The following GAB1 variants were observed in gnomAD, a reference collection of about 807,000 sequenced individuals.
The protein encoded by GAB1 is GRB2 associated binding protein 1.
Under a neutral mutation model 66.5 loss-of-function variants are expected in GAB1, and 19 were observed. The ratio of observed to expected loss-of-function variants is 0.29; its 90% CI spans 0.20 to 0.42. The LOEUF (loss-of-function observed/expected upper bound fraction) is 0.42, where lower values mean the gene tolerates loss of function less well. GAB1 is among the 10% of genes least tolerant of loss of function. The pLI is 1.00. For synonymous variants in GAB1, 294 were observed against 301.4 expected (o/e 0.98, Z 0.25); for missense variants, 732 against 858.5 (o/e 0.85, Z 1.84).
intron 1 of GAB1, among the ~76,000 whole-genome samples, chr4:143,371,055 T>A (rs908651621): frequency 2.6e-5 from 4 of 152,182 alleles, no homozygotes; most frequent in African/African-American, 9.7e-5. Context: ...TTCCTTTGGG[T>A]ATATACCCAG....
rs111531573 is a variant in GAB1, at chr4:143,400,961, T to G, written c.73-14516T>G. Among the ~76,000 whole-genome samples, 1,350 of 142,732 alleles carry G rather than the reference T, an allele frequency of 9.5e-3. 24 individuals are homozygous for G. The highest frequency in any genetic ancestry group is 0.033 in the African/African-American group (1,266 of 38,338). The allele number at this position is 142,732 out of a possible 152,430, so 93.6% of individuals were successfully genotyped here. On this transcript the variant is annotated intron_variant, in intron 1 of 9. Coordinates refer to ENST00000262994, the MANE Select transcript of GAB1 (RefSeq NM_002039.4). ...TCCAGCCTGGACAACAGAGCAAGAC[T>G]CCATCACAAAAAAAAAAAAAAAAGT...
At chr4:143,390,870 C>T (rs1284530610) in intron 1 of GAB1, among the ~76,000 whole-genome samples, 1 of 152,114 alleles carries the variant, frequency 6.6e-6, no homozygotes, top group Non-Finnish European at 1.5e-5. Flanking sequence ...AGATAGGTCG[C>T]AGGTATGTCT....
At chr4:143,383,072 ATTC>A (rs1338669885) in intron 1 of GAB1, among the ~76,000 whole-genome samples, 1 of 152,198 alleles carries the variant, frequency 6.6e-6, no homozygotes, top group Non-Finnish European at 1.5e-5. Flanking sequence ...TCCTAGAAAT[ATTC>A]TTCTTCCATA....
At position 143,400,290 on chromosome 4, in the gene GAB1, G is replaced by A. The variant is rs933323818; in HGVS notation, c.73-15187G>A. Among the ~76,000 whole-genome samples, 7 of 152,252 alleles carry A rather than the reference G, an allele frequency of 4.6e-5. No homozygotes were observed. In the South Asian group the frequency reaches 1.5e-3, roughly 32 times the overall value. On this transcript the variant is annotated intron_variant, in intron 1 of 9. Transcript: ENST00000262994. ...CACATGTCCAAGTTTTGAGAACAGA[G>A]CAGCAAAGAGAAAGAGCCTGGATGG...
intron 6 of GAB1, among the ~76,000 whole-genome samples, chr4:143,444,648 G>T (rs144289880): frequency 6.6e-6 from 1 of 152,116 alleles, no homozygotes; most frequent in Non-Finnish European, 1.5e-5. Context: ...GGGGGTGCAT[G>T]TGCAGGTTTG....
chr4:143,449,012 A>G (rs1298771455), intron 6 of GAB1, among the ~76,000 whole-genome samples: 1 of 152,072 alleles, frequency 6.6e-6, no homozygotes, highest in Non-Finnish European at 1.5e-5. Flanking sequence ...TTGGTTTCAA[A>G]CAACATCTTT....
intron 6 of GAB1, among the ~76,000 whole-genome samples, chr4:143,453,375 A>G (rs1391892549): frequency 6.6e-6 from 1 of 152,146 alleles, no homozygotes; most frequent in South Asian, 2.1e-4. Context: ...TACCCACCCC[A>G]GAAAAAAAGG....
intron 1 of GAB1, among the ~76,000 whole-genome samples, chr4:143,396,937 G>T (rs940218958): frequency 6.6e-6 from 1 of 152,150 alleles, no homozygotes; most frequent in Non-Finnish European, 1.5e-5. Context: ...ACAGAGAAAG[G>T]CAGAGAGTGA....
intron 1 of GAB1, among the ~76,000 whole-genome samples, chr4:143,352,362 C>A (rs1239205093): frequency 6.6e-6 from 1 of 152,210 alleles, no homozygotes; most frequent in Admixed American, 6.5e-5. Context: ...ATATTCAGCC[C>A]ACTCTCCAAG....
intron 1 of GAB1, among the ~76,000 whole-genome samples, chr4:143,375,857 C>T (rs188814858): frequency 2.2e-4 from 34 of 152,158 alleles, no homozygotes; most frequent in East Asian, 1.4e-3. Flanking sequence ...CACTAGATGC[C>T]AGTAGTGCAC....
In GAB1 at chr4:143,459,368, T is replaced by C; in HGVS notation, c.1586-17T>C. 6.7e-7 allele frequency: 1 copy of C among 1,486,900 alleles called. No individual in the cohort carries two copies. Among genetic ancestry groups the C allele is most frequent in the Non-Finnish European group, 9.4e-7 (1 of 1,065,890 alleles). The allele number at this position is 1,486,900 out of a possible 1,614,324, so 92.1% of individuals were successfully genotyped here. A position where few individuals can be genotyped will look rare whatever the true frequency, so the allele number is the denominator to read the frequency against. On this transcript the variant is annotated splice_polypyrimidine_tract_variant and intron_variant, in intron 6 of 9. Transcript: ENST00000262994. ...GTTCTGTATACTAAAAATCTCTTTT[T>C]CTCTTTTTCTTTTCAGTCAAGCCAG...
chr4:143,411,716 T>C (rs1732402085), intron 1 of GAB1, among the ~76,000 whole-genome samples: 1 of 152,220 alleles, frequency 6.6e-6, no homozygotes, highest in African/African-American at 2.4e-5. Context: ...TTTTGTGCTG[T>C]GATTAGCAAG....
chr4:143,434,648 G>T (rs183909228), intron 3 of GAB1, among the ~76,000 whole-genome samples: 29 of 152,148 alleles, frequency 1.9e-4, no homozygotes, highest in Non-Finnish European at 1.8e-4. Context: ...GAGCCACTGC[G>T]CTTGGCCTCC....
intron 1 of GAB1, among the ~76,000 whole-genome samples, chr4:143,386,123 C>G (rs1730895179): frequency 6.6e-6 from 1 of 152,152 alleles, no homozygotes; most frequent in Non-Finnish European, 1.5e-5. Flanking sequence ...GCCTGGGCAA[C>G]AGAGTGATAA....
chr4:143,378,229 G>A (rs1347089973), intron 1 of GAB1, among the ~76,000 whole-genome samples: 1 of 152,150 alleles, frequency 6.6e-6, no homozygotes, highest in Non-Finnish European at 1.5e-5. Context: ...AAGAGACTTG[G>A]TGGTGTGGTA....
At chr4:143,448,211 T>C (rs1303352720) in intron 6 of GAB1, among the ~76,000 whole-genome samples, 3 of 151,932 alleles carry the variant, frequency 2.0e-5, no homozygotes, top group African/African-American at 7.3e-5. Context: ...ATTGAGGATT[T>C]TTGCATCAAT....
intron 2 of GAB1, among the ~76,000 whole-genome samples, chr4:143,417,231 G>A (rs977104292): frequency 2.0e-5 from 3 of 152,182 alleles, no homozygotes; most frequent in Admixed American, 6.5e-5. Context: ...AGAAGGAATC[G>A]AATTTTACTT....
chr4:143,441,716 C>A (rs775123746), intron 6 of GAB1, among the ~76,000 whole-genome samples: 2 of 152,082 alleles, frequency 1.3e-5, no homozygotes, highest in Non-Finnish European at 2.9e-5. Context: ...GTTTTCTTTT[C>A]TGATTCTTTT....
chr4:143,378,362 G>A (rs1730503782), intron 1 of GAB1, among the ~76,000 whole-genome samples: 2 of 152,102 alleles, frequency 1.3e-5, no homozygotes, highest in African/African-American at 4.8e-5. Flanking sequence ...GTGTGGATCA[G>A]AGCAGAATTT....
Sources: allele counts gnomAD v4.1 joint callset (sites outside exome capture counted in the v4.1 genomes callset), GRCh38; gene constraint gnomAD v4.1.1; transcripts MANE v1.5; gene names NCBI Gene and HGNC (gene_info 2026-07-23, HGNC 2026-07-21).